The following ATP8B4 variants were observed in gnomAD, a reference collection of about 807,000 sequenced individuals.
The protein encoded by ATP8B4 is probable phospholipid-transporting ATPase IM.
A neutral mutation model predicts 145.6 loss-of-function variants in ATP8B4; 133 were observed. That is an observed-to-expected ratio of 0.91 (90% CI 0.79 to 1.05). The LOEUF (loss-of-function observed/expected upper bound fraction) is 1.05, where lower values mean the gene tolerates loss of function less well. ATP8B4 is among the 50% of genes least tolerant of loss of function. The pLI, the probability that ATP8B4 is intolerant of heterozygous loss-of-function variation, is 0.00. For missense variants in ATP8B4, 1,458 were observed against 1,425.2 expected, an observed-to-expected ratio of 1.02 and a Z score of -0.37; for synonymous variants, 507 against 492.9, an observed-to-expected ratio of 1.03 and a Z score of -0.38.
chr15:50,001,641 AGACAAACTAAATCCTCT>A (rs2047903170), intron 8 of ATP8B4, among the ~76,000 whole-genome samples: 1 of 151,974 alleles, frequency 6.6e-6, no homozygotes, highest in Non-Finnish European at 1.5e-5. Flanking sequence ...TTTTTATGCC[AGACAAACTAAATCCTCT>A]GAAACAGAAC....
At chr15:50,040,752 A>G (rs2051216176) in intron 5 of ATP8B4, among the ~76,000 whole-genome samples, 1 of 152,172 alleles carries the variant, frequency 6.6e-6, no homozygotes, top group African/African-American at 2.4e-5. Flanking sequence ...GAGTAGATGG[A>G]GTCTGGAAGG....
intron 6 of ATP8B4, chr15:50,018,872 A>G: frequency 8.9e-7 from 1 of 1,127,062 alleles, no homozygotes; most frequent in Non-Finnish European, 1.2e-6. Flanking sequence ...TGAAGCTTCG[A>G]CCATTATGTC....
At chr15:49,898,698 T>C (rs1598993314) in intron 21 of ATP8B4, among the ~76,000 whole-genome samples, 2 of 152,312 alleles carry the variant, frequency 1.3e-5, no homozygotes, top group Middle Eastern at 3.4e-3. Flanking sequence ...TTGTTTTGTA[T>C]ATTTAGTTTG....
intron 6 of ATP8B4, among the ~76,000 whole-genome samples, chr15:50,036,083 A>G (rs1453848998): frequency 6.6e-6 from 1 of 152,188 alleles, no homozygotes; most frequent in Non-Finnish European, 1.5e-5. Context: ...TAATATTGCC[A>G]TGGGCTTAAT....
At position 50,043,259 on chromosome 15, in the gene ATP8B4, T is replaced by G. The variant is rs145581774; in HGVS notation, c.300+1335A>C. Among the ~76,000 whole-genome samples, 172 of 152,338 alleles carry G rather than the reference T, an allele frequency of 1.1e-3. 1 individual carries two copies. The highest frequency in any genetic ancestry group is 4.0e-3 in the African/African-American group (168 of 41,576). ...GTTTTCCCAAGACTATGTTTTGTCTTTGAGTGAGAATGACTTCCTTTGGGT... is the reference window on the plus strand; with the variant it reads ...GTTTTCCCAAGACTATGTTTTGTCTGTGAGTGAGAATGACTTCCTTTGGGT... On this transcript the variant is annotated intron_variant, in intron 5 of 27. Coordinates refer to ENST00000284509, the MANE Select transcript of ATP8B4 (RefSeq NM_024837.4).
intron 27 of ATP8B4, 50 bp downstream of exon 27, chr15:49,862,195 T>G: frequency 1.3e-6 from 2 of 1,586,006 alleles, no homozygotes. Context: ...AGGACACCAT[T>G]TCAAGAGCCA....
chr15:49,887,159 G>A (rs181867626), intron 23 of ATP8B4, among the ~76,000 whole-genome samples: 1 of 152,094 alleles, frequency 6.6e-6, no homozygotes, highest in East Asian at 1.9e-4. Flanking sequence ...CCTTGCAAGA[G>A]ATCTCCAGCT....
intron 14 of ATP8B4, among the ~76,000 whole-genome samples, chr15:49,939,176 G>A (rs35132544): frequency 0.23 from 34,920 of 149,092 alleles, 4,975 homozygotes; most frequent in Non-Finnish European, 0.31. Flanking sequence ...ATGACTTAAC[G>A]CATACCTACA....
intron 27 of ATP8B4, among the ~76,000 whole-genome samples, chr15:49,861,453 T>C (rs2031756976): frequency 6.8e-6 from 1 of 146,152 alleles, no homozygotes. Flanking sequence ...TGTCTGTCTG[T>C]CTATCTATCT....
chr15:49,991,846 A>T (rs915277161), intron 9 of ATP8B4, among the ~76,000 whole-genome samples: 3 of 152,132 alleles, frequency 2.0e-5, no homozygotes, highest in African/African-American at 7.2e-5. Context: ...CTTGTGCTGG[A>T]TGGACTTGAT....
chr15:50,159,078 G>A (rs560672064), intron 1 of ATP8B4, among the ~76,000 whole-genome samples: 7 of 152,034 alleles, frequency 4.6e-5, no homozygotes, highest in South Asian at 2.1e-4. Flanking sequence ...CCCCCTCTGC[G>A]AGAAACACCC....
chr15:50,174,367 GA>G (rs1274734383), intron 1 of ATP8B4, among the ~76,000 whole-genome samples: 1 of 152,092 alleles, frequency 6.6e-6, no homozygotes, highest in African/African-American at 2.4e-5. Context: ...ACTGTTTGCT[GA>G]CGATAGGATC....
intron 1 of ATP8B4, among the ~76,000 whole-genome samples, chr15:50,163,448 A>G (rs1048449373): frequency 8.5e-5 from 13 of 152,198 alleles, no homozygotes; most frequent in Non-Finnish European, 1.6e-4. Flanking sequence ...AGGCAGATAC[A>G]CTTGTTCTAT....
At chr15:50,088,574 T>C (rs1008550202) in intron 2 of ATP8B4, among the ~76,000 whole-genome samples, 10 of 152,166 alleles carry the variant, frequency 6.6e-5, no homozygotes, top group Non-Finnish European at 1.0e-4. Context: ...CAATCAAATA[T>C]GTCTTCTTAA....
At chr15:50,076,552 C>A (rs1197737654) in intron 2 of ATP8B4, among the ~76,000 whole-genome samples, 1 of 152,064 alleles carries the variant, frequency 6.6e-6, no homozygotes, top group Non-Finnish European at 1.5e-5. Context: ...TGTAACCACA[C>A]TCCACAAGGA....
At chr15:49,889,890 A>T (rs1436112325) in intron 23 of ATP8B4, among the ~76,000 whole-genome samples, 1 of 152,250 alleles carries the variant, frequency 6.6e-6, no homozygotes, top group Non-Finnish European at 1.5e-5. Context: ...GATTACTTCC[A>T]AACAATCTGT....
intron 19 of ATP8B4, 39 bp downstream of exon 19, chr15:49,918,800 C>A: frequency 2.1e-6 from 3 of 1,455,786 alleles, no homozygotes; most frequent in South Asian, 1.2e-5. Flanking sequence ...AGTCATCTCC[C>A]CATTTTCAAA....
intron 8 of ATP8B4, among the ~76,000 whole-genome samples, chr15:50,001,697 A>C (rs919593555): frequency 2.6e-5 from 4 of 152,208 alleles, no homozygotes; most frequent in African/African-American, 9.7e-5. Context: ...TAAATTCTAA[A>C]TTAATATCAA....
At chr15:50,072,289 T>G (rs1381945700) in intron 3 of ATP8B4, among the ~76,000 whole-genome samples, 1 of 152,170 alleles carries the variant, frequency 6.6e-6, no homozygotes, top group Non-Finnish European at 1.5e-5. Flanking sequence ...TTAAATGTGC[T>G]GGTAAACTCA....
Sources: gnomAD v4.1 joint callset for allele counts (sites outside exome capture counted in the v4.1 genomes callset) on GRCh38, gnomAD v4.1.1 for gene constraint, MANE v1.5 for transcripts, NCBI Gene and HGNC (gene_info 2026-07-23, HGNC 2026-07-21) for gene names.